LGSN: variants seen among roughly 807,000 people sequenced by gnomAD.
The protein encoded by LGSN is lengsin, lens protein with glutamine synthetase domain.
In LGSN, 21 loss-of-function variants were observed where a neutral mutation model predicts 19.5. The ratio of observed to expected loss-of-function variants is 1.07; its 90% confidence interval spans 0.76 to 1.55. LGSN has a LOEUF of 1.55. Among genes scored for constraint, LGSN ranks in the 40% most tolerant of loss-of-function variants. LGSN has a pLI of 0.00. For synonymous variants in LGSN, 257 were observed against 215.6 expected (o/e 1.19, Z -1.68); for missense variants, 673 against 608.5 (o/e 1.11, Z -1.12).
At chr6:63,402,510 C>T in the LGSN span, among the ~76,000 whole-genome samples, 3 of 152,078 alleles carry the variant, frequency 2.0e-5, no homozygotes, top group Non-Finnish European at 4.4e-5. Context: ...TACTTAAACA[C>T]ATAAGCTGAA....
the LGSN span, among the ~76,000 whole-genome samples, chr6:63,400,513 C>T: frequency 8.2e-3 from 1,252 of 152,262 alleles, 14 homozygotes; most frequent in South Asian, 0.025. Context: ...TCAAGGGCTC[C>T]GCACGAACAT....
the LGSN span, among the ~76,000 whole-genome samples, chr6:63,417,130 G>C: frequency 6.6e-6 from 1 of 152,098 alleles, no homozygotes. Flanking sequence ...GCACTGAAGA[G>C]AGACTACAGG....
At chr6:63,406,601 C>T in the LGSN span, among the ~76,000 whole-genome samples, 2 of 151,256 alleles carry the variant, frequency 1.3e-5, no homozygotes, top group Middle Eastern at 3.4e-3. Flanking sequence ...GACACCCTAA[C>T]ATCACAATTA....
the LGSN span, among the ~76,000 whole-genome samples, chr6:63,403,556 C>G: frequency 2.0e-5 from 3 of 151,678 alleles, no homozygotes; most frequent in Admixed American, 6.6e-5. Context: ...AAGTAGAAAA[C>G]AGAAAACAGT....
intron 1 of LGSN, among the ~76,000 whole-genome samples, chr6:63,309,998 A>G (rs2127394436): frequency 6.6e-6 from 1 of 152,286 alleles, no homozygotes; most frequent in South Asian, 2.1e-4. Context: ...TTCAGGGAAA[A>G]CTCAAATTGG....
At chr6:63,570,046 T>C in the LGSN span, among the ~76,000 whole-genome samples, 2 of 152,194 alleles carry the variant, frequency 1.3e-5, no homozygotes, top group South Asian at 4.1e-4. Context: ...ATTTAATGGA[T>C]TGGTCAGCAA....
At chr6:63,462,359 G>A in the LGSN span, among the ~76,000 whole-genome samples, 2 of 152,182 alleles carry the variant, frequency 1.3e-5, no homozygotes, top group African/African-American at 4.8e-5. Context: ...ATGGCTGGAT[G>A]TGGTGGCTCA....
the LGSN span, among the ~76,000 whole-genome samples, chr6:63,369,267 T>A: frequency 6.6e-6 from 1 of 152,240 alleles, no homozygotes; most frequent in Non-Finnish European, 1.5e-5. Flanking sequence ...CCATTATGAC[T>A]AATAAATATA....
chr6:63,496,219 C>A, the LGSN span, among the ~76,000 whole-genome samples: 1 of 152,242 alleles, frequency 6.6e-6, no homozygotes, highest in East Asian at 1.9e-4. Flanking sequence ...GCCACAGTGT[C>A]CAGCCCTCTT....
intron 1 of LGSN, among the ~76,000 whole-genome samples, chr6:63,310,335 T>C (rs866045312): frequency 1.3e-5 from 2 of 152,186 alleles, no homozygotes; most frequent in Middle Eastern, 3.2e-3. Context: ...AAAATGTTTA[T>C]TAATTTTAAT....
At chr6:63,537,229 C>A in the LGSN span, among the ~76,000 whole-genome samples, 3 of 152,116 alleles carry the variant, frequency 2.0e-5, no homozygotes, top group African/African-American at 7.2e-5. Flanking sequence ...AATGTGGTTC[C>A]TGGACCAATA....
At chr6:63,511,276 G>A in the LGSN span, among the ~76,000 whole-genome samples, 5 of 132,890 alleles carry the variant, frequency 3.8e-5, no homozygotes, top group Admixed American at 8.1e-5. Context: ...TTTTTGAGAT[G>A]GAGTTTCACT....
chr6:63,494,275 T>G, the LGSN span, among the ~76,000 whole-genome samples: 1 of 152,172 alleles, frequency 6.6e-6, no homozygotes, highest in Non-Finnish European at 1.5e-5. Context: ...TATGGCTCCT[T>G]GGATCCCCAT....
chr6:63,525,582 A>G, the LGSN span, among the ~76,000 whole-genome samples: 1 of 151,610 alleles, frequency 6.6e-6, no homozygotes, highest in East Asian at 1.9e-4. Flanking sequence ...GCTCCACTGG[A>G]CTCTCCTCTG....
chr6:63,546,780 C>T, the LGSN span, among the ~76,000 whole-genome samples: 2 of 151,874 alleles, frequency 1.3e-5, no homozygotes, highest in African/African-American at 4.8e-5. Flanking sequence ...AGCATAGTGA[C>T]TATAGTTAAT....
chr6:63,350,138 A>T, the LGSN span, among the ~76,000 whole-genome samples: 11 of 152,362 alleles, frequency 7.2e-5, no homozygotes, highest in South Asian at 2.3e-3. Context: ...ATACTTTTGC[A>T]CCAACCTAAT....
At chr6:63,406,987 T>G in the LGSN span, among the ~76,000 whole-genome samples, 2 of 152,174 alleles carry the variant, frequency 1.3e-5, no homozygotes, top group African/African-American at 4.8e-5. Context: ...AGGAAGAAGT[T>G]GATTCTCTGA....
chr6:63,536,305 G>A, the LGSN span, among the ~76,000 whole-genome samples: 1 of 152,130 alleles, frequency 6.6e-6, no homozygotes, highest in Non-Finnish European at 1.5e-5. Flanking sequence ...ACTCCAGCCT[G>A]AGCAACAAGA....
the LGSN span, among the ~76,000 whole-genome samples, chr6:63,530,738 G>C: frequency 1.7e-3 from 254 of 152,260 alleles, 1 homozygote; most frequent in African/African-American, 5.9e-3. Flanking sequence ...GAAATTTCTA[G>C]AGGCATACCT....
Sources: allele counts gnomAD v4.1 joint callset (sites outside exome capture counted in the v4.1 genomes callset), GRCh38; gene constraint gnomAD v4.1.1; transcripts MANE v1.5; gene names NCBI Gene and HGNC (gene_info 2026-07-23, HGNC 2026-07-21).